The following SRRM4 variants were observed in gnomAD, a reference collection of about 807,000 sequenced individuals.
The protein encoded by SRRM4 is serine/arginine repetitive matrix protein 4.
A neutral mutation model predicts 68.9 loss-of-function variants in SRRM4; 33 were observed. That is an observed-to-expected ratio of 0.48 (90% CI 0.36 to 0.64). The LOEUF (loss-of-function observed/expected upper bound fraction) is 0.64, where lower values mean the gene tolerates loss of function less well. Among genes scored for constraint, SRRM4 ranks in the 30% least tolerant of loss-of-function variants. SRRM4 has a pLI of 0.00. For missense variants in SRRM4, 817 were observed against 827.1 expected, an observed-to-expected ratio of 0.99 and a Z score of 0.15; for synonymous variants, 318 against 318.8, an observed-to-expected ratio of 1.00 and a Z score of 0.03.
chr12:119,071,603 T>A (rs1953878261), intron 1 of SRRM4, among the ~76,000 whole-genome samples: 1 of 152,152 alleles, frequency 6.6e-6, no homozygotes, highest in South Asian at 2.1e-4. Context: ...CACCCTCCAT[T>A]AAGACACAAG....
At chr12:119,145,899 C>T (rs181264974) in intron 9 of SRRM4, among the ~76,000 whole-genome samples, 8 of 152,280 alleles carry the variant, frequency 5.3e-5, no homozygotes, top group Non-Finnish European at 8.8e-5. Context: ...GCTGGAAATC[C>T]GTCTTTCTCA....
At chr12:119,042,762 A>G (rs1340845575) in intron 1 of SRRM4, among the ~76,000 whole-genome samples, 1 of 151,926 alleles carries the variant, frequency 6.6e-6, no homozygotes, top group Admixed American at 6.6e-5. Flanking sequence ...AAATGAGGAG[A>G]GAAAGAAGAT....
intron 1 of SRRM4, among the ~76,000 whole-genome samples, chr12:119,078,756 CA>C (rs933255742): frequency 6.0e-5 from 9 of 151,200 alleles, no homozygotes; most frequent in South Asian, 2.1e-4. Flanking sequence ...CCCGTCTCTA[CA>C]AAAAAAAATT....
intron 1 of SRRM4, among the ~76,000 whole-genome samples, chr12:119,023,290 A>G (rs1953527449): frequency 6.6e-6 from 1 of 152,186 alleles, no homozygotes; most frequent in Non-Finnish European, 1.5e-5. Flanking sequence ...GGGTCACAAA[A>G]TGGAGATGAA....
chr12:119,122,879 T>C (rs1448572029), intron 6 of SRRM4, among the ~76,000 whole-genome samples: 2 of 152,194 alleles, frequency 1.3e-5, no homozygotes, highest in Non-Finnish European at 1.5e-5. Context: ...AGTGTGGAGA[T>C]GTCAGTTAAG....
intron 1 of SRRM4, among the ~76,000 whole-genome samples, chr12:119,026,909 G>A (rs935185277): frequency 1.3e-5 from 2 of 152,148 alleles, no homozygotes; most frequent in Non-Finnish European, 2.9e-5. Context: ...CACCTCGGGT[G>A]ATCAGTGTAA....
At chr12:119,064,739 T>A (rs1953835003) in intron 1 of SRRM4, among the ~76,000 whole-genome samples, 1 of 152,200 alleles carries the variant, frequency 6.6e-6, no homozygotes, top group African/African-American at 2.4e-5. Flanking sequence ...AAGTGCTTTA[T>A]AAATGTCTTA....
chr12:119,145,531 G>C lies in SRRM4; in HGVS notation c.922G>C (p.Glu308Gln). 6.2e-7 allele frequency: 1 copy of C among 1,608,450 alleles called. No individual in the cohort carries two copies. Among genetic ancestry groups the C allele is most frequent in the Non-Finnish European group, 8.5e-7 (1 of 1,176,772 alleles). Residue 308 changes from glutamate (E) to glutamine (Q), a missense_variant, in exon 9 of 13, where the codon GAG becomes CAG. By Grantham distance (29) the Glu-to-Gln change is conservative. Coordinates refer to ENST00000267260, the MANE Select transcript of SRRM4 (RefSeq NM_194286.4). Reference sequence around the variant, plus strand: ...CAGCTCAGCCAGGTCTCGGGGCCAGGAGAAGGGGAGCCCCAGTGGGGGCTT... The same window carrying C: ...CAGCTCAGCCAGGTCTCGGGGCCAGCAGAAGGGGAGCCCCAGTGGGGGCTT... ...QTSSARSRGQ[E>Q]KGSPSGGLSK...
chr12:119,140,088 A>G (rs73213430), intron 8 of SRRM4, among the ~76,000 whole-genome samples: 21,163 of 152,212 alleles, frequency 0.14, 1,595 homozygotes, highest in Middle Eastern at 0.19. Context: ...ATTATTGCTA[A>G]TTCTGCCGGG....
chr12:119,090,918 G>A (rs1243549497), intron 1 of SRRM4, among the ~76,000 whole-genome samples: 1 of 152,186 alleles, frequency 6.6e-6, no homozygotes, highest in African/African-American at 2.4e-5. Context: ...GTGAAGCAAG[G>A]TGTCTGACAG....
intron 1 of SRRM4, chr12:119,001,040 AG>A (rs1953381033): frequency 7.2e-6 from 1 of 139,294 alleles, no homozygotes; most frequent in Non-Finnish European, 1.6e-5. Context: ...TGGCATAGTT[AG>A]GGTAGGCAAG....
Position 119,145,376 on chromosome 12 carries a change from T to C in SRRM4, c.772-5T>C, listed in dbSNP as rs1221393255. ...GCAGTGTCCAACGGGTCTTTTTGCT[T>C]TCAGATCACTGGGTCGGGGTCTGCT... On this transcript the variant is annotated splice_region_variant and splice_polypyrimidine_tract_variant and intron_variant, in intron 8 of 12. Transcript: ENST00000267260. The C allele has an allele frequency of 6.3e-7, 1 of 1,598,982 alleles. No homozygotes were observed.
At chr12:119,116,766 A>G (rs1165620512) in intron 3 of SRRM4, 171 bp from the exon 4 acceptor site, 1 of 550,378 alleles carries the variant, frequency 1.8e-6, no homozygotes, top group African/African-American at 1.9e-5. Flanking sequence ...TAAATTTGTG[A>G]GCAATTAAAA....
chr12:119,078,121 G>A (rs2136029860), intron 1 of SRRM4, among the ~76,000 whole-genome samples: 1 of 152,306 alleles, frequency 6.6e-6, no homozygotes, highest in African/African-American at 2.4e-5. Context: ...CAGGTGGGAT[G>A]TACGTTATTC....
intron 2 of SRRM4, among the ~76,000 whole-genome samples, chr12:119,103,260 T>G (rs1364642756): frequency 6.6e-6 from 1 of 152,192 alleles, no homozygotes; most frequent in East Asian, 1.9e-4. Context: ...CATTATTATT[T>G]TTTAACTTTT....
chr12:119,037,168 C>G (rs1261717168), intron 1 of SRRM4, among the ~76,000 whole-genome samples: 1 of 152,048 alleles, frequency 6.6e-6, no homozygotes, highest in Non-Finnish European at 1.5e-5. Flanking sequence ...TTGGTTTGGT[C>G]TGTTTTGCTC....
intron 1 of SRRM4, among the ~76,000 whole-genome samples, chr12:119,053,091 A>G (rs996905009): frequency 6.6e-6 from 1 of 152,174 alleles, no homozygotes; most frequent in Non-Finnish European, 1.5e-5. Flanking sequence ...TGGGGCTACT[A>G]TGTTTTTAAC....
rs1954488821 is a variant in SRRM4 at position 119,158,594 on chromosome 12, G to C, written c.*1796G>C. ...TAAGCCCTGCCCACAAAGACTAATG[G>C]ATGCCAGTGCTGTCACTGCAGAAGG... On this transcript the variant is annotated 3_prime_UTR_variant, in exon 13 of 13. Transcript: ENST00000267260. 6.6e-6 allele frequency: 1 copy of C among 152,388 alleles called. No homozygotes were observed. Among genetic ancestry groups the C allele is most frequent in the Non-Finnish European group, 1.5e-5 (1 of 68,134 alleles). The allele number at this position is 152,388 out of a possible 1,614,324, so 9.4% of individuals were successfully genotyped here. A position where few individuals can be genotyped will look rare whatever the true frequency, so the allele number is the denominator to read the frequency against.
At chr12:119,016,711 C>A (rs1953484053) in intron 1 of SRRM4, among the ~76,000 whole-genome samples, 1 of 152,134 alleles carries the variant, frequency 6.6e-6, no homozygotes, top group African/African-American at 2.4e-5. Flanking sequence ...TCTGACTTTG[C>A]ATTGTTTGTT....
Sources: allele counts gnomAD v4.1 joint callset (sites outside exome capture counted in the v4.1 genomes callset), GRCh38; gene constraint gnomAD v4.1.1; transcripts MANE v1.5; gene names NCBI Gene and HGNC (gene_info 2026-07-23, HGNC 2026-07-21).